The following PEX5L variants were observed in gnomAD, a reference collection of about 807,000 sequenced individuals.
The protein encoded by PEX5L is PEX5-related protein.
A neutral mutation model predicts 84.0 loss-of-function variants in PEX5L; 30 were observed. That is an observed-to-expected ratio of 0.36 (90% confidence interval 0.27 to 0.48). PEX5L has a LOEUF of 0.48. Ranked by LOEUF, PEX5L falls within the 20% of genes least tolerant of loss-of-function variation. PEX5L has a pLI of 0.99. For missense variants in PEX5L, 533 were observed against 754.6 expected, an observed-to-expected ratio of 0.71 and a Z score of 3.44; for synonymous variants, 270 against 283.1, an observed-to-expected ratio of 0.95 and a Z score of 0.46.
intron 14 of PEX5L, among the ~76,000 whole-genome samples, chr3:179,805,267 C>T (rs968443899): frequency 1.3e-5 from 2 of 151,006 alleles, no homozygotes; most frequent in African/African-American, 4.9e-5. Context: ...TCCAAAGTAG[C>T]CAACTGAGTA....
intron 14 of PEX5L, among the ~76,000 whole-genome samples, chr3:179,806,461 T>C (rs1231152074): frequency 6.6e-6 from 1 of 152,212 alleles, no homozygotes; most frequent in Admixed American, 6.5e-5. Flanking sequence ...ACAGTTAATC[T>C]AGTGACTAAT....
At chr3:179,916,001 G>A (rs1766928827) in intron 2 of PEX5L, among the ~76,000 whole-genome samples, 1 of 152,200 alleles carries the variant, frequency 6.6e-6, no homozygotes, top group South Asian at 2.1e-4. Flanking sequence ...GATACTTGAA[G>A]CTCAGAGAGA....
At chr3:179,944,842 A>G (rs1777099359) in intron 2 of PEX5L, among the ~76,000 whole-genome samples, 1 of 152,218 alleles carries the variant, frequency 6.6e-6, no homozygotes, top group Non-Finnish European at 1.5e-5. Context: ...CAGAAACAGA[A>G]ATCACTGAAA....
chr3:179,947,837 G>C (rs1778015287), intron 2 of PEX5L, among the ~76,000 whole-genome samples: 1 of 151,624 alleles, frequency 6.6e-6, no homozygotes, highest in African/African-American at 2.4e-5. Context: ...CTCCCGAGTA[G>C]CTGGGACTAC....
At chr3:179,827,086 C>T (rs898453881) in intron 8 of PEX5L, among the ~76,000 whole-genome samples, 2 of 152,166 alleles carry the variant, frequency 1.3e-5, no homozygotes, top group African/African-American at 2.4e-5. Flanking sequence ...CTTTGACAGT[C>T]GATTGCTTCT....
chr3:179,894,223 C>T (rs2108930542), intron 3 of PEX5L, among the ~76,000 whole-genome samples: 1 of 152,192 alleles, frequency 6.6e-6, no homozygotes. Context: ...TCATTAATAT[C>T]AAAGCCAAGT....
intron 2 of PEX5L, among the ~76,000 whole-genome samples, chr3:179,956,021 T>C (rs544762707): frequency 1.1e-3 from 162 of 152,308 alleles, no homozygotes; most frequent in Admixed American, 1.9e-3. Flanking sequence ...CGATACCATC[T>C]TGGATTTATT....
chr3:180,011,456 A>G (rs1422781679), intron 1 of PEX5L, among the ~76,000 whole-genome samples: 1 of 152,188 alleles, frequency 6.6e-6, no homozygotes, highest in Non-Finnish European at 1.5e-5. Flanking sequence ...AAGAAGACTG[A>G]GAAAATGCAT....
chr3:179,874,648 A>G (rs1751544822), intron 6 of PEX5L, among the ~76,000 whole-genome samples: 1 of 149,534 alleles, frequency 6.7e-6, no homozygotes, highest in Admixed American at 6.8e-5. Flanking sequence ...TTAAAAATTC[A>G]GTTCGATTAT....
chr3:179,845,334 C>T (rs911538087), intron 8 of PEX5L, among the ~76,000 whole-genome samples: 2 of 152,188 alleles, frequency 1.3e-5, no homozygotes, highest in African/African-American at 2.4e-5. Flanking sequence ...TACAGGAAAT[C>T]ACATACATAT....
chr3:179,910,214 AAGG>A (rs1764698133), intron 2 of PEX5L, among the ~76,000 whole-genome samples: 1 of 152,216 alleles, frequency 6.6e-6, no homozygotes. Flanking sequence ...CCTGACTGTC[AAGG>A]AGAATTGCCC....
intron 2 of PEX5L, among the ~76,000 whole-genome samples, chr3:179,915,311 T>C (rs992855566): frequency 1.3e-4 from 20 of 152,184 alleles, no homozygotes; most frequent in African/African-American, 4.8e-4. Flanking sequence ...GTTTTGAATT[T>C]TACCGTGCAG....
At chr3:179,804,353 C>G (rs1248309996) in intron 14 of PEX5L, 1 of 151,936 alleles carries the variant, frequency 6.6e-6, no homozygotes, top group Non-Finnish European at 1.5e-5. Context: ...AATAAAAAGC[C>G]CATTCATTTA....
At chr3:179,911,595 C>G (rs371775953) in intron 2 of PEX5L, among the ~76,000 whole-genome samples, 1 of 152,108 alleles carries the variant, frequency 6.6e-6, no homozygotes, top group African/African-American at 2.4e-5. Flanking sequence ...TTTTCCATGT[C>G]TATTTGGGAG....
chr3:179,819,248 G>A (rs1727513660), intron 9 of PEX5L, among the ~76,000 whole-genome samples: 2 of 151,976 alleles, frequency 1.3e-5, no homozygotes, highest in South Asian at 4.1e-4. Context: ...GTTTTTAAAT[G>A]CATAAATCCT....
intron 1 of PEX5L, among the ~76,000 whole-genome samples, chr3:180,003,001 C>T (rs939762829): frequency 2.0e-5 from 3 of 151,998 alleles, no homozygotes; most frequent in African/African-American, 4.8e-5. Context: ...GGGTAGGAAA[C>T]GATTATAGAT....
At chr3:179,922,242 A>T (rs1047191340) in intron 2 of PEX5L, among the ~76,000 whole-genome samples, 18 of 152,030 alleles carry the variant, frequency 1.2e-4, no homozygotes, top group Admixed American at 3.3e-4. Context: ...ATCCTTGTGG[A>T]GTTTAGGATT....
At chr3:179,874,297 A>T (rs947514646) in intron 7 of PEX5L, 30 bp downstream of exon 7, 1 of 1,195,864 alleles carries the variant, frequency 8.4e-7, no homozygotes, top group Non-Finnish European at 1.2e-6. Context: ...ATAGGGAAAG[A>T]TGTGTTCATT....
chr3:179,937,154 C>T lies in PEX5L; in HGVS notation c.93+34440G>A, dbSNP rs550635281. On this transcript the variant is annotated intron_variant, in intron 2 of 14. Coordinates refer to ENST00000467460, the MANE Select transcript of PEX5L (RefSeq NM_016559.3). ...GAGCCTACCCTTAAGGAGCTTCAGG[C>T]CATCTTGTGTGATGGAGTTTACCAT... Among the ~76,000 whole-genome samples, 71 of 152,106 alleles carry T rather than the reference C, an allele frequency of 4.7e-4. 1 individual carries two copies. Among genetic ancestry groups the T allele is most frequent in the African/African-American group, 1.6e-3 (68 of 41,508 alleles).
Sources: gnomAD v4.1 joint callset for allele counts (sites outside exome capture counted in the v4.1 genomes callset) on GRCh38, gnomAD v4.1.1 for gene constraint, MANE v1.5 for transcripts, NCBI Gene and HGNC (gene_info 2026-07-23, HGNC 2026-07-21) for gene names.